Variants in HYDIN observed in about 807,000 individuals in gnomAD.
HYDIN encodes the protein HYDIN axonemal central pair apparatus protein.
HYDIN carries 132 observed loss-of-function variants against 403.9 expected under a neutral mutation model. That is an observed-to-expected ratio of 0.33 (90% CI 0.28 to 0.38). The LOEUF (loss-of-function observed/expected upper bound fraction) is 0.38, where lower values mean the gene tolerates loss of function less well. HYDIN is among the 10% of genes least tolerant of loss of function. HYDIN has a pLI of 1.00. For synonymous variants in HYDIN, 1,202 were observed against 1,891.7 expected (o/e 0.64, Z 9.46); for missense variants, 2,827 against 5,009.5 (o/e 0.56, Z 13.15).
chr16:70,818,675 G>C, intron 83 of HYDIN, 103 bp from the exon 84 acceptor site: 1 of 606,760 alleles, frequency 1.6e-6, no homozygotes, highest in East Asian at 2.8e-5. Context: ...GCATTGTTTG[G>C]CACATGAAGC....
At chr16:71,098,199 CTTTCTTTTTTT>C (rs2083333504) in intron 10 of HYDIN, among the ~76,000 whole-genome samples, 1 of 133,086 alleles carries the variant, frequency 7.5e-6, no homozygotes, top group South Asian at 2.5e-4. Flanking sequence ...ATAAAACTTT[CTTTCTTTTTTT>C]TTTTTTTTTG....
At chr16:70,999,052 G>A (rs147810508) in intron 23 of HYDIN, among the ~76,000 whole-genome samples, 6,977 of 152,244 alleles carry the variant, frequency 0.046, 552 homozygotes, top group African/African-American at 0.16. Context: ...GGAAACTGAC[G>A]AGAGATCGCT....
chr16:71,211,217 G>C (rs568687165), intron 1 of HYDIN, among the ~76,000 whole-genome samples: 18 of 152,112 alleles, frequency 1.2e-4, no homozygotes, highest in Non-Finnish European at 2.6e-4. Flanking sequence ...CCAAAAAGTT[G>C]AGGTAAATTC....
chr16:71,021,639 AG>A (rs2080498487), intron 21 of HYDIN, among the ~76,000 whole-genome samples: 1 of 152,102 alleles, frequency 6.6e-6, no homozygotes, highest in East Asian at 1.9e-4. Flanking sequence ...CCCTAGAAAG[AG>A]GGTTCTTTAG....
intron 75 of HYDIN, among the ~76,000 whole-genome samples, chr16:70,841,032 CAGT>C (rs1319699900): frequency 1.3e-5 from 2 of 151,862 alleles, no homozygotes; most frequent in Non-Finnish European, 2.9e-5. Context: ...TTAGAATAAA[CAGT>C]AGAATAAACA....
chr16:71,227,395 G>T (rs1422506690), intron 1 of HYDIN, among the ~76,000 whole-genome samples: 2 of 152,142 alleles, frequency 1.3e-5, no homozygotes, highest in Admixed American at 1.3e-4. Context: ...CAGATGACAT[G>T]ATTGTATATC....
intron 18 of HYDIN, among the ~76,000 whole-genome samples, chr16:71,053,739 C>A (rs553405700): frequency 6.7e-6 from 1 of 148,906 alleles, no homozygotes; most frequent in Non-Finnish European, 1.5e-5. Context: ...ATAGGACTGG[C>A]AAGGAGAATC....
chr16:71,028,958 T>C (rs1236570589), intron 19 of HYDIN, among the ~76,000 whole-genome samples: 2 of 149,730 alleles, frequency 1.3e-5, no homozygotes, highest in African/African-American at 4.9e-5. Context: ...TGTCTGTTAC[T>C]TATTCACAGT....
intron 83 of HYDIN, among the ~76,000 whole-genome samples, chr16:70,825,379 ATCT>A (rs1214327789): frequency 6.7e-6 from 1 of 148,586 alleles, no homozygotes; most frequent in African/African-American, 2.6e-5. Flanking sequence ...AGAAGACTTG[ATCT>A]TCTTAAAAAG....
In HYDIN at chr16:70,807,434, G is replaced by T; in HGVS notation, c.*146C>A. The stretch of plus-strand genomic sequence containing the variant: ...AATAGATATTTCATATCTATATTTG[G>T]AAAACACATAATAGGGAAATAACTG... On this transcript the variant is annotated 3_prime_UTR_variant, in exon 86 of 86. Coordinates refer to ENST00000393567, the MANE Select transcript of HYDIN (RefSeq NM_001270974.2). The T allele has an allele frequency of 1.2e-6, 1 of 841,298 alleles. No homozygotes were observed. The highest frequency in any genetic ancestry group is 1.8e-6 in the Non-Finnish European group (1 of 549,588). The allele number at this position is 841,298 out of a possible 1,614,324, so 52.1% of individuals were successfully genotyped here.
chr16:70,916,053 C>A (rs1044858374), intron 47 of HYDIN, among the ~76,000 whole-genome samples: 20 of 152,198 alleles, frequency 1.3e-4, no homozygotes, highest in African/African-American at 4.8e-4. Context: ...TGAGAACTTG[C>A]CCCAGGCTAC....
intron 73 of HYDIN, among the ~76,000 whole-genome samples, chr16:70,851,224 AAAAG>A (rs1444498581): frequency 6.8e-6 from 1 of 147,500 alleles, no homozygotes; most frequent in African/African-American, 2.5e-5. Flanking sequence ...AAAAAAAAAA[AAAAG>A]AGTAAGAAAG....
At chr16:71,139,075 A>C (rs976718825) in intron 7 of HYDIN, among the ~76,000 whole-genome samples, 9 of 148,564 alleles carry the variant, frequency 6.1e-5, no homozygotes, top group Admixed American at 4.7e-4. Flanking sequence ...CAAGAGCAAA[A>C]CTCTGTCTCA....
Position 70,838,169 on chromosome 16 carries a change from C to T in HYDIN, c.13044-281G>A, listed in dbSNP as rs1774479. On this transcript the variant is annotated intron_variant, in intron 76 of 85. Coordinates refer to ENST00000393567, the MANE Select transcript of HYDIN (RefSeq NM_001270974.2). ...CTTTGCCCAATATTCTTCACTCTAC[C>T]GATTCTGTATTTCTTTCTTTCTTTC... Among the ~76,000 whole-genome samples the T allele has an allele frequency of 5.1e-4, 78 of 152,074 alleles. No individual in the cohort carries two copies. In the East Asian group the frequency reaches 0.011, roughly 21 times the overall value.
intron 67 of HYDIN, 57 bp downstream of exon 67, chr16:70,866,112 G>C: frequency 7.5e-7 from 1 of 1,331,972 alleles, no homozygotes; most frequent in South Asian, 1.3e-5. Context: ...GTGAGTGAGT[G>C]AATGATGGAA....
At chr16:70,899,181 G>C (rs1312777302) in intron 53 of HYDIN, among the ~76,000 whole-genome samples, 2 of 152,206 alleles carry the variant, frequency 1.3e-5, no homozygotes, top group African/African-American at 4.8e-5. Flanking sequence ...ATGGGGAGTT[G>C]AACTGTGGTC....
At chr16:71,226,456 G>A (rs775405121) in intron 1 of HYDIN, among the ~76,000 whole-genome samples, 1 of 152,116 alleles carries the variant, frequency 6.6e-6, no homozygotes, top group Non-Finnish European at 1.5e-5. Context: ...AGACCTACAT[G>A]TGAAACCCAA....
intron 30 of HYDIN, among the ~76,000 whole-genome samples, chr16:70,978,091 C>T (rs1355336230): frequency 1.3e-5 from 2 of 152,058 alleles, no homozygotes; most frequent in African/African-American, 2.4e-5. Context: ...ATCTCACATT[C>T]GGTAGCCACG....
rs904448499 is a variant in HYDIN, at chr16:70,955,550, T to A, written c.6143-2A>T. ...CGCTAACGGCATTGGCTGACTTTCC[T>A]ATTAAAAAGACCAGGGGGTTGAATT... On this transcript the variant is annotated splice_acceptor_variant, in intron 39 of 85. Transcript: ENST00000393567. LOFTEE classifies it high-confidence loss of function. 1 of 1,371,370 alleles carries A rather than the reference T, an allele frequency of 7.3e-7. No individual in the cohort carries two copies. Among genetic ancestry groups the A allele is most frequent in the African/African-American group, 1.4e-5 (1 of 69,480 alleles). 85.0% of individuals were successfully genotyped at this position (1,371,370 alleles called of 1,614,324 possible). A position where few individuals can be genotyped will look rare whatever the true frequency, so the allele number is the denominator to read the frequency against.
Sources: allele counts gnomAD v4.1 joint callset (sites outside exome capture counted in the v4.1 genomes callset), GRCh38; gene constraint gnomAD v4.1.1; transcripts MANE v1.5; gene names NCBI Gene and HGNC (gene_info 2026-07-23, HGNC 2026-07-21).